C1QTNF3: variants seen among roughly 807,000 people sequenced by gnomAD.
The protein encoded by C1QTNF3 is complement C1q tumor necrosis factor-related protein 3.
In C1QTNF3, 26 loss-of-function variants were observed where a neutral mutation model predicts 32.6. That is an observed-to-expected ratio of 0.80 (90% CI 0.58 to 1.11). C1QTNF3 has a LOEUF of 1.11. Ranked by LOEUF, C1QTNF3 falls within the 50% of genes least tolerant of loss-of-function variation. The probability of loss-of-function intolerance (pLI) is 0.00; values close to 1 mark genes in which losing one functional copy is unlikely to be tolerated. For missense variants in C1QTNF3, 362 were observed against 398.2 expected, an observed-to-expected ratio of 0.91 and a Z score of 0.77; for synonymous variants, 155 against 146.0, an observed-to-expected ratio of 1.06 and a Z score of -0.44.
At chr5:34,077,113 G>A in the C1QTNF3 span, among the ~76,000 whole-genome samples, 3 of 151,402 alleles carry the variant, frequency 2.0e-5, no homozygotes, top group African/African-American at 7.3e-5. Flanking sequence ...TGGCTCTTTG[G>A]GTTCCCTATT....
intron 4 of C1QTNF3, among the ~76,000 whole-genome samples, chr5:34,027,421 T>C (rs1488121543): frequency 6.6e-6 from 1 of 152,180 alleles, no homozygotes; most frequent in Non-Finnish European, 1.5e-5. Context: ...ATATTCTTGC[T>C]GGCATGGTGG....
At chr5:34,158,671 A>T in the C1QTNF3 span, 1 of 152,174 alleles carries the variant, frequency 6.6e-6, no homozygotes, top group Non-Finnish European at 1.5e-5. Flanking sequence ...CTGATTTCAT[A>T]TGTGGAAATT....
At chr5:34,220,288 CAGA>C in the C1QTNF3 span, among the ~76,000 whole-genome samples, 1 of 151,984 alleles carries the variant, frequency 6.6e-6, no homozygotes, top group Admixed American at 6.6e-5. Context: ...TAAATAATTT[CAGA>C]AGGAGAGCAA....
At chr5:34,112,606 C>T in the C1QTNF3 span, among the ~76,000 whole-genome samples, 1 of 151,990 alleles carries the variant, frequency 6.6e-6, no homozygotes, top group Non-Finnish European at 1.5e-5. Flanking sequence ...GAGTTCAAGG[C>T]TACAGTGAGG....
the C1QTNF3 span, among the ~76,000 whole-genome samples, chr5:34,220,264 T>C: frequency 6.6e-6 from 1 of 152,068 alleles, no homozygotes; most frequent in Non-Finnish European, 1.5e-5. Context: ...ATAAGTAGAT[T>C]TGTTAATTCC....
chr5:34,038,855 A>T (rs1420492212), intron 1 of C1QTNF3, among the ~76,000 whole-genome samples: 1 of 152,094 alleles, frequency 6.6e-6, no homozygotes, highest in Non-Finnish European at 1.5e-5. Context: ...GGAGGGCTCC[A>T]CCTGACCGGG....
At chr5:34,104,157 T>G in the C1QTNF3 span, among the ~76,000 whole-genome samples, 1 of 94,004 alleles carries the variant, frequency 1.1e-5, no homozygotes, top group Admixed American at 1.2e-4. Flanking sequence ...TCAAAACTGT[T>G]CATGTCATAA....
chr5:34,050,073 A>C, the C1QTNF3 span, among the ~76,000 whole-genome samples: 1 of 152,340 alleles, frequency 6.6e-6, no homozygotes, highest in East Asian at 1.9e-4. Flanking sequence ...CATGAAGAAT[A>C]ATCCAGTGAT....
At chr5:34,116,587 T>C in the C1QTNF3 span, among the ~76,000 whole-genome samples, 2 of 140,370 alleles carry the variant, frequency 1.4e-5, no homozygotes, top group African/African-American at 5.5e-5. Context: ...CTAGCAACAT[T>C]TTTTAAAATT....
the C1QTNF3 span, among the ~76,000 whole-genome samples, chr5:34,090,658 G>A: frequency 6.6e-6 from 1 of 152,066 alleles, no homozygotes. Flanking sequence ...GATATTTGGA[G>A]GTGGGGTCTT....
At chr5:34,092,410 AAC>A in the C1QTNF3 span, among the ~76,000 whole-genome samples, 1 of 151,842 alleles carries the variant, frequency 6.6e-6, no homozygotes, top group East Asian at 1.9e-4. Context: ...TAACATATTT[AAC>A]ATTTTATAAA....
chr5:34,039,033 G>A (rs1754808520), intron 1 of C1QTNF3, among the ~76,000 whole-genome samples: 1 of 152,170 alleles, frequency 6.6e-6, no homozygotes, highest in African/African-American at 2.4e-5. Flanking sequence ...GCGCAAGTGG[G>A]CTCAAGCATG....
chr5:34,098,960 A>C, the C1QTNF3 span, among the ~76,000 whole-genome samples: 2,910 of 152,264 alleles, frequency 0.019, 1 homozygote, highest in Middle Eastern at 0.048. Context: ...AGTATGTGTT[A>C]GTTCTTTTCT....
intron 4 of C1QTNF3, among the ~76,000 whole-genome samples, chr5:34,027,461 G>A (rs1754493143): frequency 6.6e-6 from 1 of 152,152 alleles, no homozygotes; most frequent in South Asian, 2.1e-4. Flanking sequence ...CACTTTGGGA[G>A]GCTGAGGCAG....
chr5:34,093,861 G>A, the C1QTNF3 span, among the ~76,000 whole-genome samples: 1 of 152,120 alleles, frequency 6.6e-6, no homozygotes, highest in East Asian at 1.9e-4. Flanking sequence ...GGAACTCTCC[G>A]ACCTTCGGGT....
chr5:34,063,662 A>AG, the C1QTNF3 span, among the ~76,000 whole-genome samples: 2 of 152,124 alleles, frequency 1.3e-5, no homozygotes, highest in Non-Finnish European at 2.9e-5. Context: ...CCATGTTGAG[A>AG]GCTGTATACC....
chr5:34,059,561 G>C, the C1QTNF3 span, among the ~76,000 whole-genome samples: 1 of 152,114 alleles, frequency 6.6e-6, no homozygotes. Flanking sequence ...TGGCAATAGG[G>C]GCTGGGGAGT....
chr5:34,083,128 T>C, the C1QTNF3 span, among the ~76,000 whole-genome samples: 7 of 151,246 alleles, frequency 4.6e-5, no homozygotes, highest in Non-Finnish European at 8.8e-5. Flanking sequence ...ACTATAGAAA[T>C]GTATATTTAC....
chr5:34,177,912 C>G, the C1QTNF3 span, among the ~76,000 whole-genome samples: 4 of 151,942 alleles, frequency 2.6e-5, no homozygotes, highest in Non-Finnish European at 5.9e-5. Flanking sequence ...TGTGAGCCAC[C>G]ACACCCAGCA....
Sources: gnomAD v4.1 joint callset for allele counts (sites outside exome capture counted in the v4.1 genomes callset) on GRCh38, gnomAD v4.1.1 for gene constraint, MANE v1.5 for transcripts, NCBI Gene and HGNC (gene_info 2026-07-23, HGNC 2026-07-21) for gene names.